SLC24A2: variants seen among roughly 807,000 people sequenced by gnomAD.
SLC24A2 encodes solute carrier family 24 member 2, also known as sodium/potassium/calcium exchanger 2.
SLC24A2 carries 36 observed loss-of-function variants against 62.0 expected under a neutral mutation model. The ratio of observed to expected loss-of-function variants is 0.58; its 90% CI spans 0.44 to 0.77. SLC24A2 has a LOEUF of 0.77. Among genes scored for constraint, SLC24A2 ranks in the 30% least tolerant of loss-of-function variants. The pLI is 0.00. For synonymous variants in SLC24A2, 358 were observed against 294.0 expected, an observed-to-expected ratio of 1.22 and a Z score of -2.23; for missense variants, 846 against 817.9, an observed-to-expected ratio of 1.03 and a Z score of -0.42.
chr9:19,704,677 G>T (rs1463549095), intron 2 of SLC24A2, among the ~76,000 whole-genome samples: 1 of 152,088 alleles, frequency 6.6e-6, no homozygotes, highest in Non-Finnish European at 1.5e-5. Flanking sequence ...TTTAATCAAT[G>T]TAACAAGAAA....
the SLC24A2 span, among the ~76,000 whole-genome samples, chr9:20,237,514 A>T: frequency 6.6e-6 from 1 of 152,182 alleles, no homozygotes; most frequent in East Asian, 1.9e-4. Context: ...AGAAGAAAGG[A>T]AGAAACTTGG....
chr9:19,693,365 T>C (rs1820096689), intron 2 of SLC24A2, among the ~76,000 whole-genome samples: 1 of 152,168 alleles, frequency 6.6e-6, no homozygotes, highest in Non-Finnish European at 1.5e-5. Context: ...GAATGCAGCC[T>C]GTTGGCAAAG....
the SLC24A2 span, among the ~76,000 whole-genome samples, chr9:20,070,221 C>G: frequency 2.0e-5 from 3 of 151,794 alleles, no homozygotes; most frequent in Admixed American, 1.3e-4. Flanking sequence ...TCCTAACTTA[C>G]TATGATTGTT....
the SLC24A2 span, among the ~76,000 whole-genome samples, chr9:20,274,939 C>T: frequency 0.03 from 4,615 of 152,154 alleles, 98 homozygotes; most frequent in Admixed American, 0.038. Flanking sequence ...CCTTAGTGGC[C>T]GCCTTTTGTG....
intron 2 of SLC24A2, among the ~76,000 whole-genome samples, chr9:19,635,414 G>A (rs1818287464): frequency 6.6e-6 from 1 of 152,124 alleles, no homozygotes; most frequent in Non-Finnish European, 1.5e-5. Context: ...CAAGCTTATT[G>A]CCCAGAGAGG....
the SLC24A2 span, among the ~76,000 whole-genome samples, chr9:19,912,493 T>C: frequency 6.6e-6 from 1 of 152,130 alleles, no homozygotes; most frequent in Non-Finnish European, 1.5e-5. Context: ...GGTTCTCTGC[T>C]CTCTACAGTA....
At chr9:19,899,918 G>C in the SLC24A2 span, among the ~76,000 whole-genome samples, 1 of 152,158 alleles carries the variant, frequency 6.6e-6, no homozygotes, top group East Asian at 1.9e-4. Flanking sequence ...ACAACACATG[G>C]GGATTATGGG....
intron 7 of SLC24A2, among the ~76,000 whole-genome samples, chr9:19,572,917 C>A (rs1399358646): frequency 6.6e-6 from 1 of 152,128 alleles, no homozygotes; most frequent in Non-Finnish European, 1.5e-5. Flanking sequence ...TTAACACAGA[C>A]CTTAAAGACA....
At chr9:19,860,962 C>T in the SLC24A2 span, among the ~76,000 whole-genome samples, 2 of 152,186 alleles carry the variant, frequency 1.3e-5, no homozygotes, top group African/African-American at 4.8e-5. Context: ...AGGTTTTTGA[C>T]TCTAGCCTGG....
chr9:19,995,007 G>C, the SLC24A2 span, among the ~76,000 whole-genome samples: 1 of 151,492 alleles, frequency 6.6e-6, no homozygotes, highest in Non-Finnish European at 1.5e-5. Flanking sequence ...TTCAGTAGGA[G>C]GAAATGCCAT....
chr9:19,864,931 G>A, the SLC24A2 span, among the ~76,000 whole-genome samples: 2 of 151,296 alleles, frequency 1.3e-5, no homozygotes, highest in East Asian at 3.9e-4. Context: ...TCTTATATTT[G>A]GAATAACCTA....
At chr9:19,775,530 T>C (rs1370140558) in intron 2 of SLC24A2, among the ~76,000 whole-genome samples, 7 of 152,224 alleles carry the variant, frequency 4.6e-5, no homozygotes, top group Admixed American at 6.5e-5. Context: ...TGTGTGTGCT[T>C]GGAGAGGAAG....
the SLC24A2 span, among the ~76,000 whole-genome samples, chr9:19,905,789 C>G: frequency 1.3e-5 from 2 of 152,202 alleles, no homozygotes; most frequent in East Asian, 3.9e-4. Context: ...GCAAATTAAA[C>G]TAACAAAACA....
chr9:19,819,257 C>A, the SLC24A2 span, among the ~76,000 whole-genome samples: 1 of 152,124 alleles, frequency 6.6e-6, no homozygotes, highest in African/African-American at 2.4e-5. Context: ...TAGAAGATAA[C>A]ATTGGAAAAA....
the SLC24A2 span, among the ~76,000 whole-genome samples, chr9:20,134,949 G>A: frequency 6.6e-6 from 1 of 152,126 alleles, no homozygotes; most frequent in African/African-American, 2.4e-5. Flanking sequence ...TCTGCCTTTT[G>A]TAGGTTTATG....
chr9:19,969,745 T>G, the SLC24A2 span, among the ~76,000 whole-genome samples: 3 of 152,272 alleles, frequency 2.0e-5, no homozygotes, highest in East Asian at 5.8e-4. Flanking sequence ...ACATAATTAC[T>G]TCAAATATTA....
intron 7 of SLC24A2, among the ~76,000 whole-genome samples, chr9:19,571,864 G>A (rs1835845964): frequency 6.6e-6 from 1 of 152,118 alleles, no homozygotes; most frequent in Non-Finnish European, 1.5e-5. Flanking sequence ...GAGAGTGGTG[G>A]AAATTGTACA....
At chr9:19,625,466 C>T (rs1282595888) in intron 2 of SLC24A2, among the ~76,000 whole-genome samples, 3 of 152,018 alleles carry the variant, frequency 2.0e-5, no homozygotes, top group African/African-American at 7.2e-5. Flanking sequence ...CTTTGGTGTG[C>T]CAACGCAGAC....
Position 19,695,561 on chromosome 9 carries a change from A to T in SLC24A2, c.931-73262T>A, listed in dbSNP as rs1820164420. ...ATTTGGCAATATCTAGCAAACTTGAAGCTAAACCCACGTGAAACCCAGCAA... is the reference window on the plus strand; with the variant it reads ...ATTTGGCAATATCTAGCAAACTTGATGCTAAACCCACGTGAAACCCAGCAA... On this transcript the variant is annotated intron_variant, in intron 2 of 10. Coordinates refer to ENST00000341998, the MANE Select transcript of SLC24A2 (RefSeq NM_020344.4). Among the ~76,000 whole-genome samples the T allele has an allele frequency of 2.0e-5, 3 of 152,104 alleles. No homozygotes were observed. In the South Asian group the frequency reaches 6.2e-4, roughly 32 times the overall value.
Sources: allele counts gnomAD v4.1 joint callset (sites outside exome capture counted in the v4.1 genomes callset), GRCh38; gene constraint gnomAD v4.1.1; transcripts MANE v1.5; gene names NCBI Gene and HGNC (gene_info 2026-07-23, HGNC 2026-07-21).